Variants in DTD1 observed in about 807,000 individuals in gnomAD.
DTD1 encodes the protein D-aminoacyl-tRNA deacylase 1.
Under a neutral mutation model 25.6 loss-of-function variants are expected in DTD1, and 13 were observed. The observed-to-expected ratio is 0.51, with a 90% CI of 0.33 to 0.81. The LOEUF (loss-of-function observed/expected upper bound fraction) is 0.81. Ranked by LOEUF, DTD1 falls within the 30% of genes least tolerant of loss-of-function variation. DTD1 has a pLI of 0.02. For missense variants in DTD1, 193 were observed against 266.4 expected, an observed-to-expected ratio of 0.72 and a Z score of 1.92; for synonymous variants, 110 against 103.6, an observed-to-expected ratio of 1.06 and a Z score of -0.37.
At chr20:18,619,663 T>C in intron 3 of DTD1, among the ~76,000 whole-genome samples, 1 of 151,846 alleles carries the variant, frequency 6.6e-6, no homozygotes, top group East Asian at 1.9e-4. Flanking sequence ...GAGCTCAGGC[T>C]ATCTGCCCGC....
intron 4 of DTD1, among the ~76,000 whole-genome samples, chr20:18,713,558 G>T (rs2061168241): frequency 6.6e-6 from 1 of 152,178 alleles, no homozygotes; most frequent in African/African-American, 2.4e-5. Flanking sequence ...CTGGTGCACA[G>T]AAAAGGATTT....
intron 4 of DTD1, among the ~76,000 whole-genome samples, chr20:18,669,813 C>T (rs2060945277): frequency 6.6e-6 from 1 of 152,120 alleles, no homozygotes; most frequent in Admixed American, 6.5e-5. Flanking sequence ...ATACCGTGGC[C>T]TGCTTAACAT....
intron 4 of DTD1, among the ~76,000 whole-genome samples, chr20:18,660,615 A>G (rs2060906326): frequency 6.6e-6 from 1 of 152,218 alleles, no homozygotes. Context: ...ATTATTTAGT[A>G]TAAAGAGAGT....
At chr20:18,588,142 AG>A in intron 1 of DTD1, 27 bp downstream of exon 1, 1 of 1,258,520 alleles carries the variant, frequency 7.9e-7, no homozygotes, top group Non-Finnish European at 1.0e-6. Flanking sequence ...CGGGCCCGGG[AG>A]GAGCCGCCCC....
intron 4 of DTD1, among the ~76,000 whole-genome samples, chr20:18,673,694 A>G (rs2060959159): frequency 6.6e-6 from 1 of 152,210 alleles, no homozygotes; most frequent in Non-Finnish European, 1.5e-5. Context: ...GGGAACAAAC[A>G]CAGAGGTCTT....
intron 4 of DTD1, chr20:18,631,213 G>A: frequency 1.0e-6 from 1 of 985,444 alleles, no homozygotes; most frequent in Non-Finnish European, 1.2e-6. Context: ...CTCTCCCTGG[G>A]GCCAGGACCA....
intron 4 of DTD1, among the ~76,000 whole-genome samples, chr20:18,702,273 C>T (rs2281581): frequency 0.36 from 55,008 of 152,000 alleles, 10,278 homozygotes; most frequent in Non-Finnish European, 0.41. Context: ...ATGGTACTCC[C>T]GCCCCCTTCC....
chr20:18,660,841 T>G (rs968387549), intron 4 of DTD1, among the ~76,000 whole-genome samples: 2 of 152,208 alleles, frequency 1.3e-5, no homozygotes, highest in African/African-American at 4.8e-5. Context: ...CATGCAATTG[T>G]AAGAAATAAT....
At chr20:18,697,238 C>CA (rs1379786329) in intron 4 of DTD1, among the ~76,000 whole-genome samples, 2 of 149,080 alleles carry the variant, frequency 1.3e-5, no homozygotes, top group African/African-American at 4.9e-5. Context: ...TCTCAAAAAA[C>CA]AAAAAAAATT....
chr20:18,588,966 A>G, intron 1 of DTD1: 2 of 771,632 alleles, frequency 2.6e-6, no homozygotes, highest in Non-Finnish European at 3.2e-6. Flanking sequence ...TGGCACAACT[A>G]TATTGTTTCA....
At chr20:18,632,266 A>C (rs56053515) in intron 4 of DTD1, 966 of 985,484 alleles carry the variant, frequency 9.8e-4, no homozygotes, top group Non-Finnish European at 1.1e-3. Context: ...TGAATCCTTT[A>C]GGAGTTTTCT....
At chr20:18,718,574 T>C (rs879380895) in intron 4 of DTD1, among the ~76,000 whole-genome samples, 2 of 152,264 alleles carry the variant, frequency 1.3e-5, no homozygotes, top group Non-Finnish European at 2.9e-5. Flanking sequence ...TGTGATAATG[T>C]GTACTATGCA....
intron 4 of DTD1, among the ~76,000 whole-genome samples, chr20:18,689,532 G>A (rs937709865): frequency 2.0e-5 from 3 of 152,146 alleles, no homozygotes; most frequent in Non-Finnish European, 4.4e-5. Context: ...GTTATCCTCT[G>A]TCTCAGTAGG....
intron 4 of DTD1, among the ~76,000 whole-genome samples, chr20:18,636,715 A>G (rs1600335339): frequency 6.6e-6 from 1 of 152,208 alleles, no homozygotes. Context: ...GATGTGTGCA[A>G]GTGCCTTTTG....
intron 4 of DTD1, among the ~76,000 whole-genome samples, chr20:18,737,115 C>T (rs568568533): frequency 9.2e-4 from 140 of 152,358 alleles, no homozygotes; most frequent in African/African-American, 3.1e-3. Flanking sequence ...GCCCCTCATT[C>T]GGCCCTTCCC....
intron 4 of DTD1, chr20:18,631,261 G>A: frequency 5.1e-6 from 5 of 985,122 alleles, no homozygotes; most frequent in Non-Finnish European, 6.0e-6. Context: ...AAATGAAAAT[G>A]TGGGGCCCCT....
chr20:18,631,427 T>C, intron 4 of DTD1: 7 of 985,862 alleles, frequency 7.1e-6, no homozygotes, highest in Non-Finnish European at 8.4e-6. Flanking sequence ...AGCAGCTTCC[T>C]GGAAGCCTCT....
At chr20:18,689,287 C>T (rs2061032264) in intron 4 of DTD1, among the ~76,000 whole-genome samples, 1 of 152,012 alleles carries the variant, frequency 6.6e-6, no homozygotes, top group Non-Finnish European at 1.5e-5. Flanking sequence ...CACTGCCCGC[C>T]CCCTTTGTAT....
chr20:18,649,747 C>G (rs1021702339), intron 4 of DTD1, among the ~76,000 whole-genome samples: 2 of 152,162 alleles, frequency 1.3e-5, no homozygotes, highest in African/African-American at 4.8e-5. Context: ...AGTTGAGTGT[C>G]GCTGAACCCC....
Sources: gnomAD v4.1 joint callset for allele counts (sites outside exome capture counted in the v4.1 genomes callset) on GRCh38, gnomAD v4.1.1 for gene constraint, MANE v1.5 for transcripts, NCBI Gene and HGNC (gene_info 2026-07-23, HGNC 2026-07-21) for gene names.